Variants in COG8 observed in about 807,000 individuals in gnomAD.
The protein encoded by COG8 is component of oligomeric golgi complex 8.
In COG8, 45 loss-of-function variants were observed where a neutral mutation model predicts 46.5. The ratio of observed to expected loss-of-function variants is 0.97; its 90% CI spans 0.76 to 1.24. The LOEUF (loss-of-function observed/expected upper bound fraction) is 1.24, where lower values mean the gene tolerates loss of function less well. Ranked by LOEUF, COG8 falls within the 50% of genes most tolerant of loss-of-function variation. The pLI is 0.00. For missense variants in COG8, 793 were observed against 820.8 expected, an observed-to-expected ratio of 0.97 and a Z score of 0.41; for synonymous variants, 407 against 347.8, an observed-to-expected ratio of 1.17 and a Z score of -1.90.
chr16:69,336,482 T>G, intron 2 of COG8, 23 bp downstream of exon 2: 1 of 1,607,986 alleles, frequency 6.2e-7, no homozygotes, highest in Non-Finnish European at 8.5e-7. Flanking sequence ...TTACTTTGAG[T>G]CCTCTCTGGG....
chr16:69,330,774 A>C (rs3811347), intron 5 of COG8, 39 bp downstream of exon 5: 9 of 1,480,570 alleles, frequency 6.1e-6, no homozygotes, highest in Middle Eastern at 2.4e-4. Flanking sequence ...TTCCAGGGCG[A>C]GGCAGTCCTG....
At chr16:69,336,060 C>T (rs550284575) in intron 2 of COG8, among the ~76,000 whole-genome samples, 1 of 152,256 alleles carries the variant, frequency 6.6e-6, no homozygotes, top group East Asian at 1.9e-4. Context: ...TTCTGGTTTG[C>T]TCTCTCCCCA....
chr16:69,327,710 A>T lies in COG8; in HGVS notation c.*1496T>A, dbSNP rs915605038. ...ACTCAGCATAAAAATGAGGTGAAAC[A>T]GTTTAACTAAAACTGGAGTTTGGCT... On this transcript the variant is annotated 3_prime_UTR_variant, in exon 6 of 6. Coordinates refer to ENST00000306875, the MANE Select transcript of COG8 (RefSeq NM_032382.5). 2.0e-5 allele frequency: 3 copies of T among 152,262 alleles called. No homozygotes were observed. 9.4% of individuals were successfully genotyped at this position (152,262 alleles called of 1,614,324 possible). A position where few individuals can be genotyped will look rare whatever the true frequency, so the allele number is the denominator to read the frequency against.
In COG8 at chr16:69,339,204, G is replaced by T; in HGVS notation, c.349C>A (p.Arg117Ser). The change falls in exon 1 of 6, where the codon CGT becomes AGT. Residue 117 changes from arginine to serine, a missense_variant. By Grantham distance (110) the Arg-to-Ser change is moderately radical. Transcript: ENST00000306875. The part of the protein sequence containing the change: ...VEASLGRLLD[R>S]LPSFQQSCRN... ...CAGCTCTGCTGGAAGCTGGGCAAAC[G>T]GTCGAGCAGGCGGCCGAGCGACGCC... 3 of 1,612,932 alleles carry T rather than the reference G, an allele frequency of 1.9e-6. No individual in the cohort carries two copies. The highest frequency in any genetic ancestry group is 1.7e-6 in the Non-Finnish European group (2 of 1,179,900).
Position 69,327,062 on chromosome 16 carries a change from T to C in COG8, c.*2144A>G, listed in dbSNP as rs1303130971. The C allele has an allele frequency of 6.6e-6, 1 of 151,926 alleles. No individual in the cohort carries two copies. The highest frequency in any genetic ancestry group is 2.4e-5 in the African/African-American group (1 of 41,410). 9.4% of individuals were successfully genotyped at this position (151,926 alleles called of 1,614,324 possible). ...GAAAGGAGGCTCAGCTGAATTCTAATTTTCCTAAAGACCCATGTTTTTAGC... is the reference window on the plus strand; with the variant it reads ...GAAAGGAGGCTCAGCTGAATTCTAACTTTCCTAAAGACCCATGTTTTTAGC... On this transcript the variant is annotated 3_prime_UTR_variant, in exon 6 of 6. Transcript: ENST00000306875.
chr16:69,339,071 A>G (rs2012375354), intron 1 of COG8, 105 bp downstream of exon 1: 1 of 1,510,850 alleles, frequency 6.6e-7, no homozygotes, highest in Non-Finnish European at 9.2e-7. Flanking sequence ...AGCGCTCAGC[A>G]GAGAACCTGG....
chr16:69,330,484 A>C (rs1597220576), intron 5 of COG8: 2 of 1,473,806 alleles, frequency 1.4e-6, no homozygotes, highest in Non-Finnish European at 1.8e-6. Context: ...TGGAGCTGCA[A>C]GCCCGGACAC....
Position 69,330,502 on chromosome 16 carries a change from T to TGCCGCCCCGCCCCACGGCACGGCC in COG8, c.*26+287_*26+310dup, listed in dbSNP as rs2011720517. 2.0e-5 allele frequency: 29 copies of TGCCGCCCCGCCCCACGGCACGGCC among 1,472,690 alleles called. 1 individual carries two copies. The South Asian group carries it at 3.4e-4, about 17-fold the overall frequency. 91.2% of individuals were successfully genotyped at this position (1,472,690 alleles called of 1,614,324 possible). A position where few individuals can be genotyped will look rare whatever the true frequency, so the allele number is the denominator to read the frequency against. ...AGCTGCAAGCCCGGACACCGACGGC[T>TGCCGCCCCGCCCCACGGCACGGCC]GCCGCCCCGCCCCACGGCACGGCCG... On this transcript the variant is annotated intron_variant, in intron 5 of 5. Coordinates refer to ENST00000306875, the MANE Select transcript of COG8 (RefSeq NM_032382.5).
chr16:69,330,892 G>A lies in COG8; in HGVS notation c.1786C>T (p.Pro596Ser). The A allele has an allele frequency of 1.3e-6, 2 of 1,549,768 alleles. No homozygotes were observed. Among genetic ancestry groups the A allele is most frequent in the Non-Finnish European group, 1.7e-6 (2 of 1,146,880 alleles). Residue 596 changes from proline (P) to serine (S), a missense_variant, in exon 5 of 6, where the codon CCG (proline) becomes TCG (serine). Physicochemically the swap from Pro to Ser is moderately conservative, Grantham distance 74. Transcript: ENST00000306875. ...PRLEPAGPAC[P>S]EGGRAETQAE... ...TGCGTCTCCGCTCGCCCTCCCTCCG[G>A]GCAGGCTGGGCCCGCGGGCTCCAGG...
At position 69,330,877 on chromosome 16, in the gene COG8, C is replaced by T; in HGVS notation, c.1801G>A (p.Ala601Thr). The T allele has an allele frequency of 3.2e-6, 5 of 1,546,526 alleles. No homozygotes were observed. The East Asian group carries it at 7.3e-5, about 23-fold the overall frequency. Reference protein sequence around the residue: ...AGPACPEGGRAETQAEPPSVG... With the variant: ...AGPACPEGGRTETQAEPPSVG... ...CTGGGCGGTTCGGCCTGCGTCTCCG[C>T]TCGCCCTCCCTCCGGGCAGGCTGGG... The change falls in exon 5 of 6, where the codon GCG (alanine) becomes ACG (threonine). Residue 601 changes from alanine (A) to threonine (T), a missense_variant. By Grantham distance (58) the Ala-to-Thr change is moderately conservative (BLOSUM62 0). Transcript: ENST00000306875.
chr16:69,330,806 C>T lies in COG8; in HGVS notation c.*26+7G>A, dbSNP rs1023610412. 3.0e-5 allele frequency: 45 copies of T among 1,524,700 alleles called. No homozygotes were observed. The highest frequency in any genetic ancestry group is 3.9e-5 in the Non-Finnish European group (44 of 1,141,500). The allele number at this position is 1,524,700 out of a possible 1,614,324, so 94.4% of individuals were successfully genotyped here. A position where few individuals can be genotyped will look rare whatever the true frequency, so the allele number is the denominator to read the frequency against. Reference sequence around the variant, plus strand: ...CCTGGCCACCCCGCGCCGGGAACCTCACGCACCGCGTTCTGGAGGCAGGGG... The same window carrying T: ...CCTGGCCACCCCGCGCCGGGAACCTTACGCACCGCGTTCTGGAGGCAGGGG... On this transcript the variant is annotated splice_region_variant and intron_variant, in intron 5 of 5. Transcript: ENST00000306875.
At chr16:69,335,487 AG>A in intron 2 of COG8, 139 bp from the exon 3 acceptor site, 1 of 780,338 alleles carries the variant, frequency 1.3e-6, no homozygotes, top group Admixed American at 2.0e-5. Flanking sequence ...TGATGCCTGT[AG>A]GTTCACCAAC....
In COG8 at chr16:69,336,355, G is replaced by A. The variant is rs715162; in HGVS notation, c.585+150C>T. 39,851 of 689,126 alleles carry A rather than the reference G, an allele frequency of 0.058. 1,322 individuals are homozygous for A. Among genetic ancestry groups the A allele is most frequent in the South Asian group, 0.078 (4,135 of 53,114 alleles). The allele number at this position is 689,126 out of a possible 1,614,324, so 42.7% of individuals were successfully genotyped here. On this transcript the variant is annotated intron_variant, in intron 2 of 5. Coordinates refer to ENST00000306875, the MANE Select transcript of COG8 (RefSeq NM_032382.5). ...TTGGCACATGATTAATATGTATTTT[G>A]AATAAATGAATGTTTTCTGTTCAGG...
chr16:69,328,977 G>A lies in COG8; in HGVS notation c.*229C>T, dbSNP rs763394723. ...GATTTGCCCAGCTCAAAGTGAAAGT[G>A]TTTGCGTCTTGGTATCCGGAATCCT... On this transcript the variant is annotated 3_prime_UTR_variant, in exon 6 of 6. Coordinates refer to ENST00000306875, the MANE Select transcript of COG8 (RefSeq NM_032382.5). 1.9e-6 allele frequency: 3 copies of A among 1,584,278 alleles called. No homozygotes were observed. The highest frequency in any genetic ancestry group is 2.6e-6 in the Non-Finnish European group (3 of 1,172,214).
At position 69,336,661 on chromosome 16, in the gene COG8, G is replaced by A. The variant is rs1170819244; in HGVS notation, c.429C>T (p.Ser143=). The A allele has an allele frequency of 6.2e-7, 1 of 1,614,096 alleles. No homozygotes were observed. Among genetic ancestry groups the A allele is most frequent in the South Asian group, 1.1e-5 (1 of 91,082 alleles). Reference sequence around the variant, plus strand: ...TTTCTGTGTGCCGGTTTAGGGTCAGGCTATTCATCCGGCGGTTGGAGCTGA... The same window carrying A: ...TTTCTGTGTGCCGGTTTAGGGTCAGACTATTCATCCGGCGGTTGGAGCTGA... ...EEISSNRRMN[S]LTLNRHTEIL... is the part of the protein sequence containing the mutation. The change falls in exon 2 of 6, where the codon AGC becomes AGT. Residue 143 remains serine (S), a synonymous_variant. Coordinates refer to ENST00000306875, the MANE Select transcript of COG8 (RefSeq NM_032382.5).
Position 69,332,091 on chromosome 16 carries a change from C to T in COG8, c.1582+623G>A, listed in dbSNP as rs531937928. On this transcript the variant is annotated intron_variant, in intron 4 of 5. Coordinates refer to ENST00000306875, the MANE Select transcript of COG8 (RefSeq NM_032382.5). ...ACTTTAGGACGGGCGTGGTGGCTCA[C>T]GCCTGTAATCCGAGCACTTTGGGAG... Among the ~76,000 whole-genome samples, 4 of 152,226 alleles carry T rather than the reference C, an allele frequency of 2.6e-5. No homozygotes were observed. The South Asian group carries it at 6.2e-4, about 24-fold the overall frequency.
chr16:69,328,974 A>G lies in COG8; in HGVS notation c.*232T>C, dbSNP rs1965688943. 6.3e-7 allele frequency: 1 copy of G among 1,578,388 alleles called. No individual in the cohort carries two copies. On this transcript the variant is annotated 3_prime_UTR_variant, in exon 6 of 6. Coordinates refer to ENST00000306875, the MANE Select transcript of COG8 (RefSeq NM_032382.5). ...TAAGATTTGCCCAGCTCAAAGTGAAAGTGTTTGCGTCTTGGTATCCGGAAT... is the reference window on the plus strand; with the variant it reads ...TAAGATTTGCCCAGCTCAAAGTGAAGGTGTTTGCGTCTTGGTATCCGGAAT...
intron 1 of COG8, 124 bp downstream of exon 1, chr16:69,339,052 G>C: frequency 7.4e-7 from 1 of 1,356,690 alleles, no homozygotes; most frequent in Non-Finnish European, 1.0e-6. Context: ...GGTTTAAATG[G>C]ATTAATAAAG....
chr16:69,330,530 C>T, intron 5 of COG8: 1 of 1,477,096 alleles, frequency 6.8e-7, no homozygotes, highest in Non-Finnish European at 8.9e-7. Flanking sequence ...CACGGCCGCC[C>T]ACAGTGGCCA....
Sources: allele counts gnomAD v4.1 joint callset (sites outside exome capture counted in the v4.1 genomes callset), GRCh38; gene constraint gnomAD v4.1.1; transcripts MANE v1.5; gene names NCBI Gene and HGNC (gene_info 2026-07-23, HGNC 2026-07-21).